DNM3: variants seen among roughly 807,000 people sequenced by gnomAD.
DNM3 encodes dynamin-3.
Under a neutral mutation model 101.6 loss-of-function variants are expected in DNM3, and 47 were observed. The observed-to-expected ratio is 0.46, with a 90% CI of 0.37 to 0.59. DNM3 has a LOEUF of 0.59. Among genes scored for constraint, DNM3 ranks in the 20% least tolerant of loss-of-function variants. The pLI is 0.00. For synonymous variants in DNM3, 385 were observed against 387.9 expected, an observed-to-expected ratio of 0.99 and a Z score of 0.09; for missense variants, 849 against 1,085.7, an observed-to-expected ratio of 0.78 and a Z score of 3.06.
chr1:172,115,486 A>G (rs1254920611), intron 13 of DNM3, among the ~76,000 whole-genome samples: 1 of 152,138 alleles, frequency 6.6e-6, no homozygotes, highest in East Asian at 1.9e-4. Context: ...AGTGATTTCC[A>G]TCCTACTGAG....
chr1:172,058,418 A>G (rs2050837423), intron 10 of DNM3, among the ~76,000 whole-genome samples: 1 of 150,764 alleles, frequency 6.6e-6, no homozygotes, highest in Non-Finnish European at 1.5e-5. Context: ...CACCACACCT[A>G]TTCCAAAATT....
At chr1:172,275,481 G>GA (rs904780502) in intron 15 of DNM3, among the ~76,000 whole-genome samples, 233 of 150,994 alleles carry the variant, frequency 1.5e-3, no homozygotes, top group African/African-American at 5.2e-3. Context: ...CATAAATGAA[G>GA]AAAAAAAAAC....
At chr1:171,979,385 A>C (rs1296854006) in intron 2 of DNM3, among the ~76,000 whole-genome samples, 1 of 152,232 alleles carries the variant, frequency 6.6e-6, no homozygotes, top group Non-Finnish European at 1.5e-5. Flanking sequence ...AGATATCTGC[A>C]CTGCCATGTT....
chr1:172,068,801 A>T lies in DNM3; in HGVS notation c.1336-18A>T. 6.4e-7 allele frequency: 1 copy of T among 1,555,464 alleles called. No individual in the cohort carries two copies. Among genetic ancestry groups the T allele is most frequent in the Non-Finnish European group, 8.7e-7 (1 of 1,147,756 alleles). On this transcript the variant is annotated intron_variant, in intron 10 of 20. Transcript: ENST00000627582. ...TAACTTTTTGAGTATTAATACTCAG[A>T]TCTGCTTTTCTTGACAGCTGGCAAA...
At chr1:172,276,668 A>G (rs2063304417) in intron 15 of DNM3, among the ~76,000 whole-genome samples, 1 of 151,098 alleles carries the variant, frequency 6.6e-6, no homozygotes. Context: ...ACCACTGTTT[A>G]TTATTGATAC....
chr1:172,228,408 C>G (rs796954328), intron 14 of DNM3, among the ~76,000 whole-genome samples: 10 of 152,028 alleles, frequency 6.6e-5, no homozygotes, highest in African/African-American at 2.4e-4. Context: ...ACTCTTTCTT[C>G]GCTCTCTTCT....
intron 15 of DNM3, among the ~76,000 whole-genome samples, chr1:172,259,629 T>C (rs2062561366): frequency 6.6e-6 from 1 of 152,150 alleles, no homozygotes; most frequent in Non-Finnish European, 1.5e-5. Context: ...TCAGTTTATA[T>C]ATGTCTTTAT....
chr1:172,367,296 GACAA>G (rs1442250359), intron 17 of DNM3, among the ~76,000 whole-genome samples: 3 of 151,632 alleles, frequency 2.0e-5, no homozygotes, highest in African/African-American at 4.8e-5. Context: ...GTCTTTCCCA[GACAA>G]ACAAAAACTG....
At chr1:172,353,519 A>G (rs548126957) in intron 17 of DNM3, among the ~76,000 whole-genome samples, 4 of 152,308 alleles carry the variant, frequency 2.6e-5, no homozygotes, top group Admixed American at 2.0e-4. Flanking sequence ...AAATGTATTC[A>G]TATGGCCCCC....
intron 16 of DNM3, among the ~76,000 whole-genome samples, chr1:172,322,316 C>T (rs777788749): frequency 6.6e-6 from 1 of 152,200 alleles, no homozygotes; most frequent in Non-Finnish European, 1.5e-5. Context: ...CTCTTCCACC[C>T]TGTGTCTCAG....
intron 1 of DNM3, among the ~76,000 whole-genome samples, chr1:171,914,605 G>A (rs2039567680): frequency 6.6e-6 from 1 of 151,922 alleles, no homozygotes; most frequent in African/African-American, 2.4e-5. Context: ...TTGTAATTTG[G>A]TGAATATATT....
intron 14 of DNM3, among the ~76,000 whole-genome samples, chr1:172,237,623 G>T (rs16844117): frequency 0.044 from 6,672 of 152,084 alleles, 448 homozygotes; most frequent in African/African-American, 0.14. Flanking sequence ...AGTCCTCTTG[G>T]ATTCTGAATG....
chr1:171,880,470 TA>T (rs2036170655), intron 1 of DNM3, among the ~76,000 whole-genome samples: 2 of 152,228 alleles, frequency 1.3e-5, no homozygotes, highest in African/African-American at 4.8e-5. Flanking sequence ...TAATTGGGAT[TA>T]TTTTTTGGCA....
chr1:172,061,392 T>C (rs1458229193), intron 10 of DNM3, among the ~76,000 whole-genome samples: 4 of 150,538 alleles, frequency 2.7e-5, no homozygotes, highest in Admixed American at 6.6e-5. Context: ...TAAAGACATA[T>C]GCACATGTAT....
intron 14 of DNM3, among the ~76,000 whole-genome samples, chr1:172,151,951 C>T (rs1025098466): frequency 6.6e-6 from 1 of 152,188 alleles, no homozygotes; most frequent in Non-Finnish European, 1.5e-5. Flanking sequence ...TAATGGCGCA[C>T]TGCAGCCTCG....
intron 1 of DNM3, among the ~76,000 whole-genome samples, chr1:171,914,744 T>C (rs1486682394): frequency 4.6e-5 from 7 of 152,224 alleles, no homozygotes; most frequent in Non-Finnish European, 1.0e-4. Flanking sequence ...GAATTAGATG[T>C]AGGATTGTTT....
intron 17 of DNM3, among the ~76,000 whole-genome samples, chr1:172,333,577 G>A (rs1388087418): frequency 6.6e-6 from 1 of 152,036 alleles, no homozygotes; most frequent in Non-Finnish European, 1.5e-5. Flanking sequence ...TGTTTCTAAA[G>A]CATTTTCATT....
rs377501997 is a variant in DNM3 at position 172,108,080 on chromosome 1, A to T, written c.1545+15205A>T. The stretch of plus-strand genomic sequence containing the variant: ...TTAAGTCTCGGTGTCAAGGTACCTA[A>T]ATGCCAGGGCATATCAGGACATTTT... On this transcript the variant is annotated intron_variant, in intron 13 of 20. Coordinates refer to ENST00000627582, the MANE Select transcript of DNM3 (RefSeq NM_015569.5). Among the ~76,000 whole-genome samples the T allele has an allele frequency of 5.3e-3, 800 of 152,056 alleles. 3 individuals carry two copies. Among genetic ancestry groups the T allele is most frequent in the Middle Eastern group, 0.024 (7 of 294 alleles).
At chr1:171,904,175 G>A (rs1447834994) in intron 1 of DNM3, among the ~76,000 whole-genome samples, 4 of 151,190 alleles carry the variant, frequency 2.6e-5, no homozygotes, top group African/African-American at 7.3e-5. Context: ...AAGCCAGCGT[G>A]GTGTCACGCA....
Sources: gnomAD v4.1 joint callset for allele counts (sites outside exome capture counted in the v4.1 genomes callset) on GRCh38, gnomAD v4.1.1 for gene constraint, MANE v1.5 for transcripts, NCBI Gene and HGNC (gene_info 2026-07-23, HGNC 2026-07-21) for gene names.